Variants in MTMR8 observed in about 807,000 individuals in gnomAD.
MTMR8 encodes the protein myotubularin related protein 8.
A neutral mutation model predicts 39.3 loss-of-function variants in MTMR8; 65 were observed. That is an observed-to-expected ratio of 1.65 (90% CI 1.35 to 2.03). The LOEUF (loss-of-function observed/expected upper bound fraction) is 2.03, where lower values mean the gene tolerates loss of function less well. MTMR8 is among the 30% of genes most tolerant of loss of function. The pLI is 0.00. For synonymous variants in MTMR8, 245 were observed against 185.2 expected, an observed-to-expected ratio of 1.32 and a Z score of -2.62; for missense variants, 777 against 538.9, an observed-to-expected ratio of 1.44 and a Z score of -4.37.
chrX:64,348,363 G>C (rs1372777283), intron 6 of MTMR8, among the ~76,000 whole-genome samples: 3 of 111,308 alleles, frequency 2.7e-5, no homozygotes, highest in African/African-American at 9.8e-5. Flanking sequence ...TGAAAATTCT[G>C]GTTAAGGAAC....
Position 64,277,252 on chromosome X carries a change from T to A in MTMR8, c.1482-6179A>T, listed in dbSNP as rs910457049. Among the ~76,000 whole-genome samples, 5 of 111,943 alleles carry A rather than the reference T, an allele frequency of 4.5e-5. No individual in the cohort carries two copies. In the Admixed American group the frequency reaches 4.7e-4, roughly 11 times the overall value. ...GCATTTAGCCCATTTACATTTAAGG[T>A]TAATATTGTTATGTGTGAATTTGAT... On this transcript the variant is annotated intron_variant, in intron 12 of 13. Coordinates refer to ENST00000374852, the MANE Select transcript of MTMR8 (RefSeq NM_017677.4).
intron 12 of MTMR8, among the ~76,000 whole-genome samples, chrX:64,301,217 T>C (rs1477567735): frequency 1.8e-5 from 2 of 109,367 alleles, no homozygotes; most frequent in Non-Finnish European, 3.8e-5. Context: ...GGTACACCAA[T>C]CAGACGTAGA....
At chrX:64,349,088 C>A (rs749937748) in intron 5 of MTMR8, among the ~76,000 whole-genome samples, 1 of 111,516 alleles carries the variant, frequency 9.0e-6, no homozygotes, top group South Asian at 3.8e-4. Context: ...ATATAATGGG[C>A]TATTTTTCTG....
chrX:64,307,279 G>T (rs1366696388), intron 12 of MTMR8, among the ~76,000 whole-genome samples: 1 of 111,767 alleles, frequency 8.9e-6, no homozygotes, highest in East Asian at 2.8e-4. Flanking sequence ...TTCCTGTTAT[G>T]AATCATACTT....
At chrX:64,358,878 C>CACACACACACACAT (rs1307525485) in intron 2 of MTMR8, among the ~76,000 whole-genome samples, 25 of 107,068 alleles carry the variant, frequency 2.3e-4, no homozygotes, top group African/African-American at 8.1e-4. Flanking sequence ...CACACACACA[C>CACACACACACACAT]ATATATATAT....
At chrX:64,357,643 G>T (rs907028239) in intron 2 of MTMR8, among the ~76,000 whole-genome samples, 1 of 110,954 alleles carries the variant, frequency 9.0e-6, no homozygotes, top group Non-Finnish European at 1.9e-5. Context: ...GCCCAAGCTG[G>T]TCTCAAACTC....
At position 64,345,031 on chromosome X, in the gene MTMR8, T is replaced by C; in HGVS notation, c.865+14A>G. On this transcript the variant is annotated intron_variant, in intron 7 of 13. Coordinates refer to ENST00000374852, the MANE Select transcript of MTMR8 (RefSeq NM_017677.4). ...GCTATGGCCGCTTGCCTAGCCAAGG[T>C]GAAATCCCTGTACCTTCCAAGAGTT... The C allele has an allele frequency of 1.7e-6, 2 of 1,205,450 alleles. No homozygotes were observed. Among genetic ancestry groups the C allele is most frequent in the Non-Finnish European group, 2.2e-6 (2 of 892,488 alleles).
At chrX:64,285,164 T>G (rs1412395214) in intron 12 of MTMR8, among the ~76,000 whole-genome samples, 34 of 110,327 alleles carry the variant, frequency 3.1e-4, no homozygotes, top group African/African-American at 8.6e-4. Flanking sequence ...AAAGGCAGGG[T>G]TTGCAATCCT....
chrX:64,336,495 T>TAAA (rs757634283), intron 9 of MTMR8, among the ~76,000 whole-genome samples: 3 of 96,995 alleles, frequency 3.1e-5, no homozygotes, highest in African/African-American at 1.1e-4. Context: ...TTTTAACCAT[T>TAAA]AAAAAAAAAA....
At chrX:64,296,736 C>T (rs892069090) in intron 12 of MTMR8, among the ~76,000 whole-genome samples, 7 of 105,326 alleles carry the variant, frequency 6.6e-5, no homozygotes, top group Non-Finnish European at 1.2e-4. Flanking sequence ...CCCCCTCCCC[C>T]GCCCCCAACA....
intron 4 of MTMR8, among the ~76,000 whole-genome samples, chrX:64,353,582 C>T (rs1207560090): frequency 9.0e-6 from 1 of 111,468 alleles, no homozygotes; most frequent in South Asian, 3.8e-4. Context: ...ATCAAAAAGG[C>T]AATAATGGAT....
intron 8 of MTMR8, among the ~76,000 whole-genome samples, chrX:64,337,670 T>G (rs1317081362): frequency 9.0e-6 from 1 of 111,714 alleles, no homozygotes; most frequent in Non-Finnish European, 1.9e-5. Flanking sequence ...ACTAAACTTC[T>G]GAAGAAACCA....
intron 12 of MTMR8, among the ~76,000 whole-genome samples, chrX:64,291,940 C>G (rs987113382): frequency 3.6e-5 from 4 of 111,458 alleles, no homozygotes; most frequent in African/African-American, 1.3e-4. Context: ...GGATCTCCCA[C>G]TAGAAAGGCA....
chrX:64,377,884 AATTGGATC>A (rs1310843611), intron 1 of MTMR8, among the ~76,000 whole-genome samples: 1 of 111,843 alleles, frequency 8.9e-6, no homozygotes, highest in East Asian at 2.8e-4. Flanking sequence ...TGGTGAGGGT[AATTGGATC>A]ATGGGGCAGA....
chrX:64,374,714 C>T (rs1479306764), intron 1 of MTMR8, among the ~76,000 whole-genome samples: 3 of 111,196 alleles, frequency 2.7e-5, no homozygotes, highest in East Asian at 5.7e-4. Context: ...GAATGTTACC[C>T]TATTTGGAAA....
At chrX:64,353,237 T>C (rs1463572819) in intron 4 of MTMR8, among the ~76,000 whole-genome samples, 3 of 111,203 alleles carry the variant, frequency 2.7e-5, no homozygotes, top group Non-Finnish European at 3.8e-5. Flanking sequence ...AAAGCAAAAA[T>C]AGGCAAATGG....
At chrX:64,380,331 G>A (rs968067560) in intron 1 of MTMR8, among the ~76,000 whole-genome samples, 3 of 112,674 alleles carry the variant, frequency 2.7e-5, no homozygotes, top group Admixed American at 1.9e-4. Flanking sequence ...CAGTGACTTA[G>A]CCTCACAACA....
chrX:64,373,997 A>C (rs1333361113), intron 1 of MTMR8, among the ~76,000 whole-genome samples: 1 of 112,294 alleles, frequency 8.9e-6, no homozygotes, highest in Non-Finnish European at 1.9e-5. Flanking sequence ...AACAGCAAAA[A>C]TACAAACAAC....
chrX:64,273,180 G>C (rs1283206549), intron 12 of MTMR8, among the ~76,000 whole-genome samples: 2 of 111,717 alleles, frequency 1.8e-5, no homozygotes, highest in Admixed American at 9.5e-5. Flanking sequence ...TTACTGTAAT[G>C]GTTGTGGGTA....
Sources: allele counts gnomAD v4.1 joint callset (sites outside exome capture counted in the v4.1 genomes callset), GRCh38; gene constraint gnomAD v4.1.1; transcripts MANE v1.5; gene names NCBI Gene and HGNC (gene_info 2026-07-23, HGNC 2026-07-21).